Variants in RTL4 observed in about 807,000 individuals in gnomAD.
RTL4 encodes the protein retrotransposon Gag-like protein 4.
RTL4 carries 4 observed loss-of-function variants against 5.3 expected under a neutral mutation model. The ratio of observed to expected loss-of-function variants is 0.75; its 90% confidence interval spans 0.37 to 1.72. The LOEUF is 1.72. Among genes scored for constraint, RTL4 ranks in the 40% most tolerant of loss-of-function variants. RTL4 has a pLI of 0.04. For synonymous variants in RTL4, 98 were observed against 87.3 expected, an observed-to-expected ratio of 1.12 and a Z score of -0.68; for missense variants, 260 against 227.1, an observed-to-expected ratio of 1.14 and a Z score of -0.93.
the RTL4 span, among the ~76,000 whole-genome samples, chrX:112,382,983 A>T: frequency 2.5e-4 from 28 of 112,144 alleles, no homozygotes; most frequent in African/African-American, 8.4e-4. Flanking sequence ...TATCCAAAAA[A>T]AGTTGAAATA....
chrX:112,350,330 T>C, the RTL4 span, among the ~76,000 whole-genome samples: 1 of 108,841 alleles, frequency 9.2e-6, no homozygotes, highest in African/African-American at 3.3e-5. Context: ...ATTCTCTTTT[T>C]TGGTTGTGTC....
At chrX:112,097,170 A>G in the RTL4 span, among the ~76,000 whole-genome samples, 1,213 of 112,144 alleles carry the variant, frequency 0.011, 25 homozygotes, top group African/African-American at 0.037. Flanking sequence ...GGGATATATT[A>G]GTGAACAAAC....
the RTL4 span, among the ~76,000 whole-genome samples, chrX:112,117,633 T>C: frequency 9.0e-6 from 1 of 111,219 alleles, no homozygotes. Flanking sequence ...ATCAGATAAA[T>C]GTATTTTTTT....
chrX:112,083,640 G>A, the RTL4 span, among the ~76,000 whole-genome samples: 1 of 112,107 alleles, frequency 8.9e-6, no homozygotes. Context: ...GGGGCGGGGG[G>A]CTAGGTTGCT....
At chrX:112,238,816 G>A in the RTL4 span, among the ~76,000 whole-genome samples, 389 of 111,783 alleles carry the variant, frequency 3.5e-3, no homozygotes, top group African/African-American at 0.012. Context: ...CTGGGAAATG[G>A]TGGTCTAAAA....
chrX:112,325,136 G>A, the RTL4 span, among the ~76,000 whole-genome samples: 5 of 111,246 alleles, frequency 4.5e-5, no homozygotes, highest in South Asian at 3.8e-4. Context: ...ACCGCTGCTC[G>A]ATGAAATAAA....
At chrX:112,083,283 G>A in the RTL4 span, among the ~76,000 whole-genome samples, 1 of 112,742 alleles carries the variant, frequency 8.9e-6, no homozygotes, top group East Asian at 2.8e-4. Flanking sequence ...CCCTTGGCCT[G>A]AATATCCCCT....
the RTL4 span, among the ~76,000 whole-genome samples, chrX:112,335,889 C>G: frequency 1.8e-5 from 2 of 109,860 alleles, no homozygotes; most frequent in Non-Finnish European, 1.9e-5. Context: ...GTCCACCAGG[C>G]TGGAGTGCGG....
chrX:112,426,110 G>A, the RTL4 span, among the ~76,000 whole-genome samples: 1 of 111,293 alleles, frequency 9.0e-6, no homozygotes, highest in Non-Finnish European at 1.9e-5. Flanking sequence ...TTTTTGACAT[G>A]TATAAGGTCT....
At chrX:112,273,518 C>T in the RTL4 span, among the ~76,000 whole-genome samples, 1 of 111,703 alleles carries the variant, frequency 9.0e-6, no homozygotes, top group Non-Finnish European at 1.9e-5. Flanking sequence ...TCCCAAAGTG[C>T]TGGGATTACA....
At chrX:112,392,188 G>A in the RTL4 span, among the ~76,000 whole-genome samples, 1 of 112,199 alleles carries the variant, frequency 8.9e-6, no homozygotes, top group African/African-American at 3.2e-5. Flanking sequence ...AGTTGCCCCT[G>A]GGGGCTCTGT....
At chrX:112,249,777 T>TTATA in the RTL4 span, among the ~76,000 whole-genome samples, 274 of 99,774 alleles carry the variant, frequency 2.7e-3, 2 homozygotes, top group African/African-American at 9.4e-3. Flanking sequence ...ATATATGTAA[T>TTATA]TATATATATA....
chrX:112,168,994 C>CCTTT, the RTL4 span, among the ~76,000 whole-genome samples: 1 of 73,329 alleles, frequency 1.4e-5, no homozygotes, highest in East Asian at 3.9e-4. Context: ...TTCTTTCTTT[C>CCTTT]CTTTCTTTCC....
At chrX:112,333,228 G>A in the RTL4 span, among the ~76,000 whole-genome samples, 1 of 111,178 alleles carries the variant, frequency 9.0e-6, no homozygotes, top group Non-Finnish European at 1.9e-5. Context: ...AGGGTGAGGA[G>A]TGAGAGTAAA....
chrX:112,437,985 C>T, the RTL4 span, among the ~76,000 whole-genome samples: 1 of 110,804 alleles, frequency 9.0e-6, no homozygotes, highest in East Asian at 2.8e-4. Context: ...GGGTCTTCAG[C>T]AGTTAGGTGC....
At chrX:112,441,436 T>C in the RTL4 span, among the ~76,000 whole-genome samples, 2 of 111,811 alleles carry the variant, frequency 1.8e-5, no homozygotes, top group South Asian at 7.5e-4. Flanking sequence ...GGGATAGAGA[T>C]TATAGTGAGC....
chrX:112,291,360 A>T, the RTL4 span, among the ~76,000 whole-genome samples: 18 of 93,564 alleles, frequency 1.9e-4, no homozygotes, highest in Admixed American at 1.5e-3. Flanking sequence ...AGATATATGT[A>T]TGTTTGTACA....
At chrX:112,366,127 C>T in the RTL4 span, among the ~76,000 whole-genome samples, 1 of 111,195 alleles carries the variant, frequency 9.0e-6, no homozygotes, top group South Asian at 3.7e-4. Context: ...ACCGTTGAGG[C>T]AGTGTGATTG....
the RTL4 span, among the ~76,000 whole-genome samples, chrX:112,342,688 C>T: frequency 1.4e-4 from 16 of 111,625 alleles, no homozygotes; most frequent in Non-Finnish European, 2.4e-4. Context: ...CCCTCCAATC[C>T]TCAATAACCA....
Sources: allele counts gnomAD v4.1 joint callset (sites outside exome capture counted in the v4.1 genomes callset), GRCh38; gene constraint gnomAD v4.1.1; transcripts MANE v1.5; gene names NCBI Gene and HGNC (gene_info 2026-07-23, HGNC 2026-07-21).